Variants in ENOX2 observed in about 807,000 individuals in gnomAD.
The protein encoded by ENOX2 is ecto-NOX disulfide-thiol exchanger 2, also known as APK1 antigen.
A neutral mutation model predicts 45.0 loss-of-function variants in ENOX2; 36 were observed. The observed-to-expected ratio is 0.80, with a 90% CI of 0.61 to 1.06. The LOEUF (loss-of-function observed/expected upper bound fraction) is 1.06. Ranked by LOEUF, ENOX2 falls within the 50% of genes least tolerant of loss-of-function variation. The pLI, the probability that ENOX2 is intolerant of heterozygous loss-of-function variation, is 0.00. For missense variants in ENOX2, 423 were observed against 462.5 expected (o/e 0.91, Z 0.78); for synonymous variants, 174 against 152.3 (o/e 1.14, Z -1.05).
intron 10 of ENOX2, among the ~76,000 whole-genome samples, chrX:130,644,006 C>T (rs1302078342): frequency 2.7e-5 from 3 of 111,393 alleles, no homozygotes; most frequent in African/African-American, 6.5e-5. Context: ...CACAGTGGAA[C>T]TAAATTAGAA....
At chrX:130,679,198 A>G (rs1428681352) in intron 6 of ENOX2, among the ~76,000 whole-genome samples, 1 of 111,025 alleles carries the variant, frequency 9.0e-6, no homozygotes, top group East Asian at 2.8e-4. Flanking sequence ...GTCAGAGGAA[A>G]AGGCATAAAA....
intron 2 of ENOX2, among the ~76,000 whole-genome samples, chrX:130,828,885 A>C (rs2077768043): frequency 8.9e-6 from 1 of 111,909 alleles, no homozygotes. Flanking sequence ...TGACCTTCCT[A>C]GACTGAGAAC....
chrX:130,874,576 G>A (rs1188388790), intron 2 of ENOX2, among the ~76,000 whole-genome samples: 1 of 111,958 alleles, frequency 8.9e-6, no homozygotes, highest in Non-Finnish European at 1.9e-5. Context: ...TTTTCAGGTG[G>A]AAAGGCCAAA....
rs762464534 is a variant in ENOX2 at position 130,892,831 on chromosome X, A to T, written c.-183+8853T>A. 2.0e-4 allele frequency among the ~76,000 whole-genome samples: 23 copies of T among 112,752 alleles called. No individual in the cohort carries two copies. In the East Asian group the frequency reaches 2.5e-3, roughly 12 times the overall value. On this transcript the variant is annotated intron_variant, in intron 2 of 14. Coordinates refer to ENST00000394363, the MANE Select transcript of ENOX2 (RefSeq NM_006375.4). Reference sequence around the variant, plus strand: ...TCTAGTTAATGATATGCATAAAAAAATTTTTTAAAACTGTACTAATGTCTG... The same window carrying T: ...TCTAGTTAATGATATGCATAAAAAATTTTTTTAAAACTGTACTAATGTCTG...
At position 130,703,028 on chromosome X, in the gene ENOX2, T is replaced by C. The variant is rs1268009776; in HGVS notation, c.97+92A>G. On this transcript the variant is annotated intron_variant, in intron 4 of 14. Transcript: ENST00000394363. ...CACTCTAGGCAGAATCTGGTAAATG[T>C]CAACTTCAAAATAAGTTGTGTCATA... 5.3e-6 allele frequency: 5 copies of C among 947,544 alleles called. No individual in the cohort carries two copies. In the Admixed American group the frequency reaches 1.1e-4, roughly 21 times the overall value. 78.1% of individuals were successfully genotyped at this position (947,544 alleles called of 1,213,427 possible).
intron 2 of ENOX2, among the ~76,000 whole-genome samples, chrX:130,791,575 T>C (rs1353969079): frequency 3.6e-5 from 4 of 112,048 alleles, no homozygotes; most frequent in Non-Finnish European, 7.5e-5. Flanking sequence ...TTTTGACTTA[T>C]GATATTTTCA....
intron 3 of ENOX2, among the ~76,000 whole-genome samples, chrX:130,767,217 A>T (rs899998593): frequency 8.9e-6 from 1 of 111,742 alleles, no homozygotes; most frequent in Admixed American, 9.5e-5. Flanking sequence ...GTAATTAAGT[A>T]CCAGAACTTA....
intron 2 of ENOX2, among the ~76,000 whole-genome samples, chrX:130,831,772 G>C (rs1267471960): frequency 9.0e-6 from 1 of 111,316 alleles, no homozygotes; most frequent in East Asian, 2.8e-4. Flanking sequence ...TTTGTCTGTT[G>C]TAAAGCTCAA....
intron 2 of ENOX2, among the ~76,000 whole-genome samples, chrX:130,789,221 C>T (rs988368303): frequency 1.2e-4 from 14 of 112,325 alleles, no homozygotes; most frequent in African/African-American, 4.5e-4. Flanking sequence ...GCAAATGATT[C>T]GTGGGCTTTG....
intron 2 of ENOX2, among the ~76,000 whole-genome samples, chrX:130,828,923 T>C (rs1346696757): frequency 1.8e-5 from 2 of 112,004 alleles, no homozygotes; most frequent in East Asian, 5.6e-4. Flanking sequence ...TGATTGTCTC[T>C]GGTTCTATTA....
At chrX:130,848,262 C>T (rs2078147320) in intron 2 of ENOX2, among the ~76,000 whole-genome samples, 1 of 107,734 alleles carries the variant, frequency 9.3e-6, no homozygotes, top group Admixed American at 9.9e-5. Flanking sequence ...ATTCTCAGTA[C>T]ATAATGCCAA....
chrX:130,678,583 G>C (rs2037216178), intron 6 of ENOX2, among the ~76,000 whole-genome samples: 1 of 110,151 alleles, frequency 9.1e-6, no homozygotes, highest in African/African-American at 3.3e-5. Flanking sequence ...TCTTCCCCAA[G>C]ATGTTTACAT....
chrX:130,863,476 C>G (rs2078442516), intron 2 of ENOX2, among the ~76,000 whole-genome samples: 1 of 112,224 alleles, frequency 8.9e-6, no homozygotes, highest in Admixed American at 9.5e-5. Context: ...TCTCTCTTGC[C>G]TTAATCCTTT....
intron 10 of ENOX2, among the ~76,000 whole-genome samples, chrX:130,642,318 G>C (rs901928394): frequency 8.9e-6 from 1 of 112,035 alleles, no homozygotes; most frequent in African/African-American, 3.2e-5. Context: ...GGAGCCTAAA[G>C]ATATGGATTG....
At chrX:130,743,879 A>G (rs2039040813) in intron 3 of ENOX2, among the ~76,000 whole-genome samples, 2 of 112,225 alleles carry the variant, frequency 1.8e-5, no homozygotes, top group African/African-American at 6.5e-5. Context: ...TGAAAAGATT[A>G]GACTTGGTCT....
At chrX:130,893,829 T>A (rs2079018654) in intron 2 of ENOX2, among the ~76,000 whole-genome samples, 1 of 112,056 alleles carries the variant, frequency 8.9e-6, no homozygotes, top group African/African-American at 3.2e-5. Flanking sequence ...TGACATCTCT[T>A]CAGCCTTTCC....
chrX:130,681,807 AC>A (rs1224266233), intron 5 of ENOX2, among the ~76,000 whole-genome samples: 4 of 111,729 alleles, frequency 3.6e-5, no homozygotes, highest in Non-Finnish European at 7.5e-5. Flanking sequence ...CTATTATAGA[AC>A]CCAGGTTTCT....
intron 2 of ENOX2, among the ~76,000 whole-genome samples, chrX:130,862,841 T>C (rs1399486767): frequency 8.9e-6 from 1 of 111,836 alleles, no homozygotes; most frequent in African/African-American, 3.2e-5. Context: ...AAAAGCCTAT[T>C]TGAAAGGAAT....
At chrX:130,630,889 A>C (rs184055885) in intron 13 of ENOX2, among the ~76,000 whole-genome samples, 16 of 111,257 alleles carry the variant, frequency 1.4e-4, no homozygotes, top group Admixed American at 9.6e-4. Context: ...ATTCAACTGT[A>C]GGACACCCAC....
Sources: gnomAD v4.1 joint callset for allele counts (sites outside exome capture counted in the v4.1 genomes callset) on GRCh38, gnomAD v4.1.1 for gene constraint, MANE v1.5 for transcripts, NCBI Gene and HGNC (gene_info 2026-07-23, HGNC 2026-07-21) for gene names.